The following PTPRG variants were observed in gnomAD, a reference collection of about 807,000 sequenced individuals.
PTPRG encodes protein tyrosine phosphatase receptor type G, also known as receptor-type tyrosine-protein phosphatase gamma.
Under a neutral mutation model 165.3 loss-of-function variants are expected in PTPRG, and 102 were observed. That is an observed-to-expected ratio of 0.62 (90% CI 0.53 to 0.73). PTPRG has a LOEUF of 0.73. Ranked by LOEUF, PTPRG falls within the 30% of genes least tolerant of loss-of-function variation. The probability of loss-of-function intolerance (pLI) is 0.00; values close to 1 mark genes in which losing one functional copy is unlikely to be tolerated. For synonymous variants in PTPRG, 675 were observed against 669.5 expected (o/e 1.01, Z -0.13); for missense variants, 1,866 against 1,861.4 (o/e 1.00, Z -0.05).
In PTPRG at chr3:62,237,271, G is replaced by A. The variant is rs1334804033; in HGVS notation, c.2375+5960G>A. Among the ~76,000 whole-genome samples, 4 of 152,136 alleles carry A rather than the reference G, an allele frequency of 2.6e-5. No homozygotes were observed. The East Asian group carries it at 7.7e-4, about 29-fold the overall frequency. ...CCTTAAGAATTCCTGGGTGGAAATGGGGGGTCAGAAGTCTAGAGGTTTTTT... is the reference window on the plus strand; with the variant it reads ...CCTTAAGAATTCCTGGGTGGAAATGAGGGGTCAGAAGTCTAGAGGTTTTTT... On this transcript the variant is annotated intron_variant, in intron 14 of 29. Transcript: ENST00000474889. This position sits in a 1 kb window ranked among gnomAD's most constrained non-coding sequence, Gnocchi z 4.5.
chr3:61,738,680 A>T (rs948172526), intron 1 of PTPRG, among the ~76,000 whole-genome samples: 4 of 151,926 alleles, frequency 2.6e-5, no homozygotes, highest in African/African-American at 9.7e-5. Context: ...CACATTTTAA[A>T]TGAAAGATAA....
chr3:62,276,781 G>A, intron 24 of PTPRG, 191 bp from the exon 25 acceptor site: 3 of 562,584 alleles, frequency 5.3e-6, no homozygotes, highest in East Asian at 2.9e-5. Context: ...GTCCTTCTGG[G>A]TATGTGCAGC....
intron 7 of PTPRG, among the ~76,000 whole-genome samples, chr3:62,160,567 A>G (rs1704715913): frequency 6.6e-6 from 1 of 152,230 alleles, no homozygotes; most frequent in South Asian, 2.1e-4. Context: ...CGGACAACAC[A>G]TGGAGATGGT....
chr3:62,134,388 T>C (rs916215856), intron 6 of PTPRG, among the ~76,000 whole-genome samples: 1 of 152,214 alleles, frequency 6.6e-6, no homozygotes, highest in Non-Finnish European at 1.5e-5. Context: ...CCAGCTCTCA[T>C]GGACCTAGAA....
intron 2 of PTPRG, among the ~76,000 whole-genome samples, chr3:61,906,912 A>G (rs1405678796): frequency 1.3e-5 from 2 of 152,202 alleles, no homozygotes; most frequent in Non-Finnish European, 1.5e-5. Context: ...CCTGGCTACA[A>G]CATTAAAAAA....
intron 1 of PTPRG, among the ~76,000 whole-genome samples, chr3:61,585,740 G>C (rs548098628): frequency 6.6e-6 from 1 of 152,164 alleles, no homozygotes; most frequent in Admixed American, 6.5e-5. Flanking sequence ...GAGCCAGACC[G>C]TGTCTCAAAA....
At chr3:62,157,650 A>G (rs1391413033) in intron 7 of PTPRG, among the ~76,000 whole-genome samples, 1 of 152,188 alleles carries the variant, frequency 6.6e-6, no homozygotes, top group Non-Finnish European at 1.5e-5. Context: ...GGTGCTGTGC[A>G]TACCCCCATT....
At chr3:62,149,821 G>C (rs1384630595) in intron 6 of PTPRG, among the ~76,000 whole-genome samples, 1 of 152,260 alleles carries the variant, frequency 6.6e-6, no homozygotes, top group East Asian at 1.9e-4. Context: ...TCATAATTCT[G>C]AGCGGGATTA....
rs570491822 is a variant in PTPRG at position 61,585,613 on chromosome 3, T to A, written c.85+23241T>A. Among the ~76,000 whole-genome samples the A allele has an allele frequency of 2.6e-5, 4 of 151,516 alleles. No homozygotes were observed. In the South Asian group the frequency reaches 8.3e-4, roughly 32 times the overall value. On this transcript the variant is annotated intron_variant, in intron 1 of 29. Transcript: ENST00000474889. ...AGTACAAAAATTAGCCAGGTGTGGT[T>A]CCGTGTGCCTATAGTCCCAGCTACT... is the stretch of plus-strand genomic sequence containing the variant.
At chr3:61,955,287 CT>C (rs976057620) in intron 2 of PTPRG, among the ~76,000 whole-genome samples, 3 of 151,598 alleles carry the variant, frequency 2.0e-5, no homozygotes, top group Admixed American at 6.6e-5. Flanking sequence ...TGAATGGCCA[CT>C]TTTTTTTTCT....
At chr3:62,238,875 G>A (rs913429082) in intron 14 of PTPRG, among the ~76,000 whole-genome samples, 7 of 152,126 alleles carry the variant, frequency 4.6e-5, no homozygotes, top group African/African-American at 1.7e-4. Context: ...AAAGATATAT[G>A]CTGCAAATTG....
intron 6 of PTPRG, among the ~76,000 whole-genome samples, chr3:62,140,297 T>A (rs977143445): frequency 5.3e-5 from 8 of 152,154 alleles, no homozygotes; most frequent in African/African-American, 1.9e-4. Context: ...AAGAAAAATA[T>A]TGACAAAAGA....
chr3:61,621,135 T>G (rs1047149899), intron 1 of PTPRG, among the ~76,000 whole-genome samples: 2 of 151,232 alleles, frequency 1.3e-5, no homozygotes, highest in African/African-American at 4.9e-5. Context: ...TATAAAACCT[T>G]AAAAATGTAA....
intron 7 of PTPRG, among the ~76,000 whole-genome samples, chr3:62,160,760 G>A (rs1704724052): frequency 6.6e-6 from 1 of 151,812 alleles, no homozygotes; most frequent in Non-Finnish European, 1.5e-5. Flanking sequence ...CACTACCTAT[G>A]ATTTTCCCCA....
chr3:61,661,197 C>T (rs542236473), intron 1 of PTPRG, among the ~76,000 whole-genome samples: 16 of 152,180 alleles, frequency 1.1e-4, no homozygotes, highest in Non-Finnish European at 1.8e-4. Flanking sequence ...CTCAGCCTCC[C>T]GAGTAGCTAG....
chr3:61,683,391 A>G (rs528720539), intron 1 of PTPRG, among the ~76,000 whole-genome samples: 124 of 152,208 alleles, frequency 8.1e-4, no homozygotes, highest in Admixed American at 1.9e-3. Context: ...ATAGTAGTCA[A>G]TTCTCTGTGG....
intron 1 of PTPRG, among the ~76,000 whole-genome samples, chr3:61,630,970 C>T (rs11707865): frequency 0.12 from 18,797 of 151,880 alleles, 1,325 homozygotes; most frequent in African/African-American, 0.18. Flanking sequence ...GAAGAAAAAT[C>T]GCTTGAACCC....
intron 2 of PTPRG, among the ~76,000 whole-genome samples, chr3:61,974,521 A>C (rs11130866): frequency 0.44 from 66,667 of 151,682 alleles, 15,222 homozygotes; most frequent in African/African-American, 0.59. Context: ...CCGTTGCACT[A>C]CAGCCTGGGC....
At chr3:62,285,093 A>G (rs1160477703) in intron 28 of PTPRG, among the ~76,000 whole-genome samples, 2 of 152,090 alleles carry the variant, frequency 1.3e-5, no homozygotes, top group African/African-American at 2.4e-5. Context: ...AATTATTTGT[A>G]TACATGACTG....
Sources: gnomAD v4.1 joint callset for allele counts (sites outside exome capture counted in the v4.1 genomes callset) on GRCh38, gnomAD v4.1.1 for gene constraint, Gnocchi (gnomAD v3.1) non-coding constraint, MANE v1.5 for transcripts, NCBI Gene and HGNC (gene_info 2026-07-23, HGNC 2026-07-21) for gene names.